The following ABCG1 variants were observed in gnomAD, a reference collection of about 807,000 sequenced individuals.
ABCG1 encodes ATP-binding cassette sub-family G member 1.
Under a neutral mutation model 69.2 loss-of-function variants are expected in ABCG1, and 29 were observed. The ratio of observed to expected loss-of-function variants is 0.42; its 90% confidence interval spans 0.31 to 0.57. ABCG1 has a LOEUF of 0.57. ABCG1 is among the 20% of genes least tolerant of loss of function. The pLI is 0.15. For missense variants in ABCG1, 718 were observed against 898.1 expected, an observed-to-expected ratio of 0.80 and a Z score of 2.56; for synonymous variants, 370 against 374.8, an observed-to-expected ratio of 0.99 and a Z score of 0.15.
chr21:42,218,490 G>T (rs144594264), upstream of ABCG1, among the ~76,000 whole-genome samples: 58 of 152,094 alleles, frequency 3.8e-4, no homozygotes, highest in African/African-American at 1.3e-3. Context: ...TTTGTTCGGG[G>T]GTGAACAGAG....
intron 5 of ABCG1, among the ~76,000 whole-genome samples, chr21:42,281,459 A>ACT (rs1490851073): frequency 6.6e-6 from 1 of 152,192 alleles, no homozygotes; most frequent in Non-Finnish European, 1.5e-5. Flanking sequence ...CTGAGTCGAT[A>ACT]CAGGATCAAT....
upstream of ABCG1, among the ~76,000 whole-genome samples, chr21:42,216,706 G>A (rs143475949): frequency 3.0e-3 from 450 of 152,272 alleles, 2 homozygotes; most frequent in African/African-American, 0.01. Flanking sequence ...TGAAACCACT[G>A]CACTCCGAAC....
chr21:42,280,483 G>A (rs4148130), intron 5 of ABCG1, among the ~76,000 whole-genome samples: 43,209 of 152,260 alleles, frequency 0.28, 6,496 homozygotes, highest in Middle Eastern at 0.4. Context: ...GAAGCCCCAG[G>A]GGGGCTGGAG....
rs765237454 is a variant in ABCG1, at chr21:42,290,080, A to C, written c.1255A>C (p.Ile419Leu). The C allele has an allele frequency of 1.2e-6, 2 of 1,614,086 alleles. No individual in the cohort carries two copies. The highest frequency in any genetic ancestry group is 1.7e-5 in the Admixed American group (1 of 60,006). ...VLTHLRITSH[I>L]GIGLLIGLLY... ...GACACACCTGCGCATCACCTCGCAC[A>C]TTGGGATCGGCCTCCTCATTGGCCT... is the stretch of plus-strand genomic sequence containing the variant. The change falls in exon 11 of 15, where the codon ATT becomes CTT. Residue 419 changes from isoleucine to leucine, a missense_variant. This residue lies in a region of ABCG1 where 514 missense variants were observed against 574.3 expected (regional missense o/e 0.90). Coordinates refer to ENST00000398449, the MANE Select transcript of ABCG1 (RefSeq NM_016818.3).
intron 10 of ABCG1, among the ~76,000 whole-genome samples, chr21:42,289,428 G>A (rs373867154): frequency 2.6e-5 from 4 of 152,302 alleles, no homozygotes; most frequent in East Asian, 1.9e-4. Flanking sequence ...TCACATGGCC[G>A]AGCCTGAAAC....
At chr21:42,274,896 C>A (rs1049238474) in intron 4 of ABCG1, among the ~76,000 whole-genome samples, 1 of 152,178 alleles carries the variant, frequency 6.6e-6, no homozygotes, top group Admixed American at 6.5e-5. Context: ...TGTGCAGCTC[C>A]AGTTGCCAGT....
At chr21:42,274,643 T>C (rs1337471681) in intron 4 of ABCG1, among the ~76,000 whole-genome samples, 2 of 151,956 alleles carry the variant, frequency 1.3e-5, no homozygotes, top group Non-Finnish European at 2.9e-5. Context: ...CCCGGCTGAT[T>C]TGTGTATTTT....
chr21:42,264,873 G>A (rs182862973), intron 2 of ABCG1, among the ~76,000 whole-genome samples: 4 of 152,258 alleles, frequency 2.6e-5, no homozygotes, highest in Admixed American at 2.0e-4. Flanking sequence ...TGCATGGGGA[G>A]GGTTGGGTCT....
intron 6 of ABCG1, 137 bp from the exon 7 acceptor site, chr21:42,284,423 G>T: frequency 9.3e-7 from 1 of 1,078,958 alleles, no homozygotes; most frequent in South Asian, 1.6e-5. Context: ...GCAGAGCCCG[G>T]CCTGGGACGG....
At chr21:42,230,974 C>T (rs565415296) in intron 2 of ABCG1, among the ~76,000 whole-genome samples, 2 of 152,342 alleles carry the variant, frequency 1.3e-5, no homozygotes, top group East Asian at 1.9e-4. Flanking sequence ...TTAGCTCTGA[C>T]GTGGGCACAG....
intron 1 of ABCG1, among the ~76,000 whole-genome samples, chr21:42,222,990 T>C (rs225412): frequency 3.3e-5 from 5 of 152,110 alleles, no homozygotes; most frequent in African/African-American, 4.8e-5. Context: ...GAGACTCTTC[T>C]GCAGTTCTGG....
chr21:42,296,515 C>A lies in ABCG1; in HGVS notation c.*123C>A. ...ACTCTTCTGATCCAACCCCTAGAAC[C>A]GCGTTGGGTTTGTGGGTGTCTCGTG... On this transcript the variant is annotated 3_prime_UTR_variant, in exon 15 of 15. Transcript: ENST00000398449. This position sits in a 1 kb window ranked among gnomAD's most constrained non-coding sequence, Gnocchi z 5.4. 4.6e-6 allele frequency: 4 copies of A among 876,260 alleles called. No homozygotes were observed. Among genetic ancestry groups the A allele is most frequent in the Non-Finnish European group, 5.3e-6 (3 of 562,550 alleles). 54.3% of individuals were successfully genotyped at this position (876,260 alleles called of 1,614,324 possible).
chr21:42,235,512 T>C (rs1258701569), intron 2 of ABCG1, among the ~76,000 whole-genome samples: 2 of 152,078 alleles, frequency 1.3e-5, no homozygotes, highest in African/African-American at 4.8e-5. Context: ...AACAGCTTGG[T>C]TTCATACTTT....
Position 42,285,914 on chromosome 21 carries a change from G to A in ABCG1, c.893G>A (p.Arg298Gln), listed in dbSNP as rs776796182. The change falls in exon 8 of 15, where the codon CGG becomes CAG. Residue 298 changes from arginine to glutamine, a missense_variant. Coordinates refer to ENST00000398449, the MANE Select transcript of ABCG1 (RefSeq NM_016818.3). Reference protein sequence around the residue: ...YVLSQGQCVYRGKVCNLVPYL... With the variant: ...YVLSQGQCVYQGKVCNLVPYL... ...CTGAGTCAAGGACAATGTGTGTACCGGGGAAAAGTCTGCAATCTTGTGCCA... is the reference window on the plus strand; with the variant it reads ...CTGAGTCAAGGACAATGTGTGTACCAGGGAAAAGTCTGCAATCTTGTGCCA... 6.8e-5 allele frequency: 110 copies of A among 1,613,738 alleles called. No individual in the cohort carries two copies. The highest frequency in any genetic ancestry group is 1.6e-4 in the Middle Eastern group (1 of 6,082).
At chr21:42,246,063 G>A (rs2068130479) in intron 2 of ABCG1, among the ~76,000 whole-genome samples, 1 of 152,208 alleles carries the variant, frequency 6.6e-6, no homozygotes, top group Admixed American at 6.5e-5. Context: ...ACTCTGGGCA[G>A]GTGGCAAGAG....
At chr21:42,253,412 G>C (rs896648377) in intron 2 of ABCG1, among the ~76,000 whole-genome samples, 1 of 152,198 alleles carries the variant, frequency 6.6e-6, no homozygotes, top group Non-Finnish European at 1.5e-5. Flanking sequence ...AGAAGAATGT[G>C]CATTCCATCA....
At chr21:42,254,383 T>C (rs1296898633) in intron 2 of ABCG1, among the ~76,000 whole-genome samples, 1 of 151,912 alleles carries the variant, frequency 6.6e-6, no homozygotes, top group South Asian at 2.1e-4. Context: ...CACTGAGGGG[T>C]GGTAGGGAGG....
chr21:42,224,134 GA>G (rs2067775508), intron 1 of ABCG1, among the ~76,000 whole-genome samples: 1 of 152,204 alleles, frequency 6.6e-6, no homozygotes, highest in Non-Finnish European at 1.5e-5. Flanking sequence ...GGTGGGGATG[GA>G]AATGGACACA....
intron 7 of ABCG1, among the ~76,000 whole-genome samples, chr21:42,285,341 A>G (rs529716699): frequency 6.6e-6 from 1 of 151,902 alleles, no homozygotes; most frequent in Middle Eastern, 3.4e-3. Context: ...CTACAAAAGA[A>G]AAAAAAATAC....
Sources: allele counts gnomAD v4.1 joint callset (sites outside exome capture counted in the v4.1 genomes callset), GRCh38; gene constraint gnomAD v4.1.1; regional missense constraint gnomAD v4.1.1; non-coding constraint Gnocchi (gnomAD v3.1); transcripts MANE v1.5; gene names NCBI Gene and HGNC (gene_info 2026-07-23, HGNC 2026-07-21).